PEX11G: variants seen among roughly 807,000 people sequenced by gnomAD.
PEX11G encodes peroxisomal membrane protein 11C.
In PEX11G, 20 loss-of-function variants were observed where a neutral mutation model predicts 22.5. The ratio of observed to expected loss-of-function variants is 0.89; its 90% confidence interval spans 0.62 to 1.29. PEX11G has a LOEUF of 1.29. Ranked by LOEUF, PEX11G falls within the 50% of genes most tolerant of loss-of-function variation. The pLI is 0.00. For missense variants in PEX11G, 347 were observed against 331.3 expected, an observed-to-expected ratio of 1.05 and a Z score of -0.37; for synonymous variants, 141 against 154.5, an observed-to-expected ratio of 0.91 and a Z score of 0.65.
chr19:7,493,457 A>G (rs1375109287), upstream of PEX11G, among the ~76,000 whole-genome samples: 3 of 150,342 alleles, frequency 2.0e-5, no homozygotes, highest in Non-Finnish European at 4.4e-5. Context: ...GGCCTCCCAA[A>G]CTGCTGGGAT....
At chr19:7,490,648 T>C (rs2021868367), upstream of PEX11G, among the ~76,000 whole-genome samples, 1 of 114,780 alleles carries the variant, frequency 8.7e-6, no homozygotes, top group South Asian at 3.0e-4. Flanking sequence ...CTCTATTTTT[T>C]TTTTTTTTTT....
rs899970828 is a variant in PEX11G at position 7,488,074 on chromosome 19, C to G, written c.60+877G>C. Among the ~76,000 whole-genome samples the G allele has an allele frequency of 8.5e-5, 13 of 152,332 alleles. No individual in the cohort carries two copies. The East Asian group carries it at 2.5e-3, about 29-fold the overall frequency. Reference sequence around the variant, plus strand: ...CTGTCCAGCCATAGGGAGAGTCTTGCAATATCCTAAATCCCCACATGAGAT... The same window carrying G: ...CTGTCCAGCCATAGGGAGAGTCTTGGAATATCCTAAATCCCCACATGAGAT... On this transcript the variant is annotated intron_variant, in intron 1 of 4. Coordinates refer to ENST00000221480, the MANE Select transcript of PEX11G (RefSeq NM_080662.4).
upstream of PEX11G, among the ~76,000 whole-genome samples, chr19:7,491,848 C>A (rs563712792): frequency 7.3e-5 from 11 of 151,540 alleles, no homozygotes; most frequent in Non-Finnish European, 1.6e-4. Context: ...TGTAGAGATG[C>A]GGTCTCGCTA....
intron 3 of PEX11G, among the ~76,000 whole-genome samples, chr19:7,479,263 C>CA (rs1457081125): frequency 6.6e-6 from 1 of 152,176 alleles, no homozygotes; most frequent in Non-Finnish European, 1.5e-5. Context: ...GCCGGTGGAT[C>CA]ACCTGAGGTC....
Position 7,485,922 on chromosome 19 carries a change from T to C in PEX11G, c.165A>G (p.Gln55=), listed in dbSNP as rs781251079. 11 of 1,613,504 alleles carry C rather than the reference T, an allele frequency of 6.8e-6. No homozygotes were observed. Among genetic ancestry groups the C allele is most frequent in the African/African-American group, 1.3e-5 (1 of 74,848 alleles). The change falls in exon 2 of 5, where the codon CAA becomes CAG. Residue 55 remains glutamine (Q), a synonymous_variant. Transcript: ENST00000221480. The stretch of plus-strand genomic sequence containing the variant: ...GCAAGATGGTCCTGCAGTGGCTGAG[T>C]TGGGTGGACACCACCAACAGACGTG... ...VGTRLLVVST[Q]LSHCRTILRL...
chr19:7,485,910 G>A lies in PEX11G; in HGVS notation c.177C>T (p.Cys59=), dbSNP rs780118774. The change falls in exon 2 of 5, where the codon TGC becomes TGT. Residue 59 remains cysteine (C), a synonymous_variant. Transcript: ENST00000221480. ...LLVVSTQLSH[C]RTILRLFDDL... is the part of the protein sequence containing the mutation. The stretch of plus-strand genomic sequence containing the variant: ...CATCAAAGAGTCGCAAGATGGTCCT[G>A]CAGTGGCTGAGTTGGGTGGACACCA... 1.2e-6 allele frequency: 2 copies of A among 1,613,818 alleles called. No homozygotes were observed. The highest frequency in any genetic ancestry group is 8.5e-7 in the Non-Finnish European group (1 of 1,179,758).
Position 7,482,203 on chromosome 19 carries a change from G to C in PEX11G, c.258C>G (p.Asp86Glu). The C allele has an allele frequency of 6.4e-7, 1 of 1,565,174 alleles. No homozygotes were observed. The highest frequency in any genetic ancestry group is 1.9e-5 in the Admixed American group (1 of 52,670). ...KQYGLGAQEE[D>E]AFVRCVSVLG... ...GGACGGAGACACAGCGGACAAAGGCGTCCTCCTCCTGCAGGACCAGGAGCA... is the reference window on the plus strand; with the variant it reads ...GGACGGAGACACAGCGGACAAAGGCCTCCTCCTCCTGCAGGACCAGGAGCA... Residue 86 changes from aspartate to glutamate, a missense_variant, in exon 3 of 5, where the codon GAC (aspartate) becomes GAG (glutamate). Asp to Glu is a conservative substitution (Grantham distance 45). Transcript: ENST00000221480.
chr19:7,494,791 C>T (rs1947603419), intron 1 of PEX11G, among the ~76,000 whole-genome samples: 1 of 152,182 alleles, frequency 6.6e-6, no homozygotes, highest in South Asian at 2.1e-4. Context: ...CAGACAAGGC[C>T]ACTCTGTGAC....
At chr19:7,478,440 C>T (rs1030779389) in intron 3 of PEX11G, 64 bp from the exon 4 acceptor site, 16 of 1,521,222 alleles carry the variant, frequency 1.1e-5, no homozygotes, top group Non-Finnish European at 1.4e-5. Flanking sequence ...CTCCACAACG[C>T]TGGCCCCGGA....
At chr19:7,481,058 C>A (rs1444604541) in intron 3 of PEX11G, among the ~76,000 whole-genome samples, 2 of 152,164 alleles carry the variant, frequency 1.3e-5, no homozygotes, top group Non-Finnish European at 2.9e-5. Context: ...ACTCCGCTGG[C>A]TGCTTCTCAC....
At chr19:7,490,154 G>A (rs1185283684), upstream of PEX11G, among the ~76,000 whole-genome samples, 1 of 151,950 alleles carries the variant, frequency 6.6e-6, no homozygotes, top group Non-Finnish European at 1.5e-5. Context: ...CACCGCACCC[G>A]GCCTCAATGT....
rs753116695 is a variant in PEX11G at position 7,482,031 on chromosome 19, A to C, written c.428+2T>G. 2 of 1,590,628 alleles carry C rather than the reference A, an allele frequency of 1.3e-6. No homozygotes were observed. Among genetic ancestry groups the C allele is most frequent in the Non-Finnish European group, 1.7e-6 (2 of 1,169,964 alleles). ...TGCTCCCTTCTGGCCCATGCCACTT[A>C]CCTGGCAACCCCCAGGAGCAGAGAG... On this transcript the variant is annotated splice_donor_variant, in intron 3 of 4. Transcript: ENST00000221480. LOFTEE classifies it high-confidence loss of function.
At chr19:7,488,025 A>C (rs1333492734) in intron 1 of PEX11G, among the ~76,000 whole-genome samples, 2 of 152,226 alleles carry the variant, frequency 1.3e-5, no homozygotes, top group African/African-American at 4.8e-5. Context: ...GTTCAACCAT[A>C]TGGGACTTGA....
At chr19:7,481,265 T>C (rs574812056) in intron 3 of PEX11G, among the ~76,000 whole-genome samples, 2 of 151,726 alleles carry the variant, frequency 1.3e-5, no homozygotes, top group African/African-American at 4.8e-5. Context: ...AGGGGTGTGA[T>C]CTCGGCTCAC....
At chr19:7,488,364 G>A (rs2021756784) in intron 1 of PEX11G, among the ~76,000 whole-genome samples, 1 of 152,174 alleles carries the variant, frequency 6.6e-6, no homozygotes, top group Non-Finnish European at 1.5e-5. Context: ...CCAGCCACAG[G>A]GGAGCCCTGC....
intron 2 of PEX11G, among the ~76,000 whole-genome samples, chr19:7,483,574 TC>T (rs1160777486): frequency 6.6e-6 from 1 of 151,756 alleles, no homozygotes; most frequent in East Asian, 1.9e-4. Flanking sequence ...GAACGAGGGG[TC>T]TCAGGGATGC....
chr19:7,477,329 G>A lies in PEX11G; in HGVS notation c.599C>T (p.Pro200Leu), dbSNP rs773066292. ...GCGGCCGGCCCACAGCACGCCCCGG[G>A]GCAGCCAGTGCACGGCGTTGGCCAG... is the stretch of plus-strand genomic sequence containing the variant. ...ADLANAVHWLPRGVLWAGRFP... is the reference protein window; with the variant it reads ...ADLANAVHWLLRGVLWAGRFP... The change falls in exon 5 of 5, where the codon CCC becomes CTC. Residue 200 changes from proline (P) to leucine (L), a missense_variant. Pro to Leu is a moderately conservative substitution (Grantham distance 98, BLOSUM62 -3). Coordinates refer to ENST00000221480, the MANE Select transcript of PEX11G (RefSeq NM_080662.4). 3.2e-6 allele frequency: 5 copies of A among 1,561,116 alleles called. No individual in the cohort carries two copies. Among genetic ancestry groups the A allele is most frequent in the South Asian group, 2.4e-5 (2 of 84,732 alleles).
At chr19:7,479,667 C>T (rs1008245576) in intron 3 of PEX11G, among the ~76,000 whole-genome samples, 3 of 152,238 alleles carry the variant, frequency 2.0e-5, no homozygotes, top group Admixed American at 1.3e-4. Context: ...AAACCACATG[C>T]CCGAAACAAG....
At position 7,482,909 on chromosome 19, in the gene PEX11G, G is replaced by T. The variant is rs1247973134; in HGVS notation, c.250-698C>A. 2.6e-5 allele frequency among the ~76,000 whole-genome samples: 4 copies of T among 152,184 alleles called. No individual in the cohort carries two copies. In the East Asian group the frequency reaches 7.7e-4, roughly 29 times the overall value. On this transcript the variant is annotated intron_variant, in intron 2 of 4. Transcript: ENST00000221480. ...CAGGCCCTCGAATTGCAATGCACAC[G>T]CGGGCTCTCGGTCCTGCACAGTGCC... is the stretch of plus-strand genomic sequence containing the variant.
Sources: allele counts gnomAD v4.1 joint callset (sites outside exome capture counted in the v4.1 genomes callset), GRCh38; gene constraint gnomAD v4.1.1; transcripts MANE v1.5; gene names NCBI Gene and HGNC (gene_info 2026-07-23, HGNC 2026-07-21).